Variants in APIP observed in about 807,000 individuals in gnomAD.
APIP encodes the protein methylthioribulose-1-phosphate dehydratase.
In APIP, 32 loss-of-function variants were observed where a neutral mutation model predicts 32.0. The ratio of observed to expected loss-of-function variants is 1.00; its 90% confidence interval spans 0.76 to 1.34. The LOEUF (loss-of-function observed/expected upper bound fraction) is 1.34, where lower values mean the gene tolerates loss of function less well. Among genes scored for constraint, APIP ranks in the 40% most tolerant of loss-of-function variants. The pLI, the probability that APIP is intolerant of heterozygous loss-of-function variation, is 0.00. For synonymous variants in APIP, 92 were observed against 94.8 expected, an observed-to-expected ratio of 0.97 and a Z score of 0.17; for missense variants, 247 against 298.6, an observed-to-expected ratio of 0.83 and a Z score of 1.27.
intron 2 of APIP, among the ~76,000 whole-genome samples, chr11:34,891,440 T>C (rs1052281477): frequency 1.3e-5 from 2 of 152,146 alleles, no homozygotes; most frequent in African/African-American, 2.4e-5. Flanking sequence ...ACTGCATATA[T>C]GCAAACCAAG....
chr11:34,888,280 GA>G lies in APIP; in HGVS notation c.461+12del, dbSNP rs35393135. The G allele has an allele frequency of 0.67, 1,032,633 of 1,543,916 alleles. 349,391 individuals are homozygous for G. Among genetic ancestry groups the G allele is most frequent in the East Asian group, 0.73 (31,850 of 43,864 alleles). ...TCTTTTCAAATTATTTAAGAAAAAGGAAAAAAAAATACCTATAATACCCTCC... is the reference window on the plus strand; with the variant it reads ...TCTTTTCAAATTATTTAAGAAAAAGGAAAAAAAATACCTATAATACCCTCC... On this transcript the variant is annotated intron_variant, in intron 5 of 6. Transcript: ENST00000395787.
At chr11:34,899,566 C>A (rs927492298) in intron 1 of APIP, among the ~76,000 whole-genome samples, 3 of 152,204 alleles carry the variant, frequency 2.0e-5, no homozygotes, top group Non-Finnish European at 4.4e-5. Context: ...ATCTAGCATA[C>A]CCCCTCCATT....
intron 5 of APIP, among the ~76,000 whole-genome samples, chr11:34,887,968 T>C (rs1428330037): frequency 2.6e-5 from 4 of 152,300 alleles, no homozygotes; most frequent in South Asian, 2.1e-4. Context: ...CAAAGTGAAG[T>C]TGAAGATATC....
intron 5 of APIP, among the ~76,000 whole-genome samples, chr11:34,885,202 CTATATATGTATAT>C (rs1290893063): frequency 6.8e-6 from 1 of 146,236 alleles, no homozygotes; most frequent in African/African-American, 2.5e-5. Context: ...ACCTATATAA[CTATATATGTATAT>C]TATATATGTA....
chr11:34,916,017 C>T, intron 1 of APIP: 1 of 627,786 alleles, frequency 1.6e-6, no homozygotes. Context: ...GCCATCGGAG[C>T]GCCCCGCCCG....
At chr11:34,904,220 A>G (rs1853407836) in intron 1 of APIP, among the ~76,000 whole-genome samples, 1 of 152,212 alleles carries the variant, frequency 6.6e-6, no homozygotes, top group African/African-American at 2.4e-5. Flanking sequence ...ATGTTAGTTA[A>G]TGAAATAACT....
At chr11:34,911,200 A>AGG (rs1314277101) in intron 1 of APIP, among the ~76,000 whole-genome samples, 3 of 151,968 alleles carry the variant, frequency 2.0e-5, no homozygotes, top group African/African-American at 4.8e-5. Flanking sequence ...TGTTAGAGTG[A>AGG]GGGGGCGGTA....
At chr11:34,910,283 G>C (rs974664947) in intron 1 of APIP, among the ~76,000 whole-genome samples, 8 of 152,206 alleles carry the variant, frequency 5.3e-5, no homozygotes, top group African/African-American at 1.7e-4. Flanking sequence ...AGTAACAACT[G>C]TTTCAATAGA....
At chr11:34,912,263 T>C (rs897328934) in intron 1 of APIP, among the ~76,000 whole-genome samples, 1 of 152,230 alleles carries the variant, frequency 6.6e-6, no homozygotes, top group African/African-American at 2.4e-5. Context: ...ATAAAAATTA[T>C]TGAATGGGCT....
intron 1 of APIP, among the ~76,000 whole-genome samples, chr11:34,915,428 G>A (rs962752630): frequency 1.5e-4 from 23 of 152,222 alleles, no homozygotes; most frequent in Admixed American, 2.6e-4. Context: ...TCAACCCTAA[G>A]AAAGATATAG....
intron 1 of APIP, among the ~76,000 whole-genome samples, chr11:34,903,739 A>G (rs891598708): frequency 5.9e-5 from 9 of 152,226 alleles, no homozygotes; most frequent in African/African-American, 1.9e-4. Flanking sequence ...GGAAGGCTCC[A>G]TAAGAGAAAT....
intron 1 of APIP, among the ~76,000 whole-genome samples, chr11:34,902,707 G>A (rs1853387357): frequency 6.6e-6 from 1 of 152,202 alleles, no homozygotes; most frequent in Non-Finnish European, 1.5e-5. Flanking sequence ...GGAACCTGAA[G>A]CTCAAAAGGC....
intron 1 of APIP, among the ~76,000 whole-genome samples, chr11:34,910,313 C>T (rs920351957): frequency 6.6e-6 from 1 of 152,162 alleles, no homozygotes; most frequent in East Asian, 1.9e-4. Context: ...GAAGCAAGAT[C>T]GCAGTGAGCT....
intron 2 of APIP, among the ~76,000 whole-genome samples, chr11:34,891,664 A>T (rs1853188940): frequency 6.6e-6 from 1 of 152,196 alleles, no homozygotes; most frequent in South Asian, 2.1e-4. Flanking sequence ...TAAAGTCTAG[A>T]AAACAAATGT....
chr11:34,895,759 GATAA>G (rs1031488285), intron 1 of APIP, among the ~76,000 whole-genome samples: 2 of 151,888 alleles, frequency 1.3e-5, no homozygotes, highest in Non-Finnish European at 2.9e-5. Flanking sequence ...TATACAGACA[GATAA>G]ATATCAAGTG....
At chr11:34,905,530 A>G (rs527341890) in intron 1 of APIP, among the ~76,000 whole-genome samples, 1 of 152,328 alleles carries the variant, frequency 6.6e-6, no homozygotes, top group African/African-American at 2.4e-5. Context: ...GGCTGGGACA[A>G]GACTGAGTAA....
chr11:34,899,346 T>C (rs895286133), intron 1 of APIP, among the ~76,000 whole-genome samples: 1 of 152,234 alleles, frequency 6.6e-6, no homozygotes. Context: ...AGGAGTTAAA[T>C]GTCTTCTGTG....
intron 1 of APIP, among the ~76,000 whole-genome samples, chr11:34,914,982 C>A (rs1485823199): frequency 7.0e-5 from 7 of 100,480 alleles, no homozygotes; most frequent in African/African-American, 2.3e-4. Flanking sequence ...CCAGCCTGGG[C>A]AACAAGAGCA....
At chr11:34,891,251 C>T (rs1393806125) in intron 2 of APIP, among the ~76,000 whole-genome samples, 1 of 152,136 alleles carries the variant, frequency 6.6e-6, no homozygotes, top group East Asian at 1.9e-4. Flanking sequence ...CTACCATTTA[C>T]CACAAGGTGC....
Sources: allele counts gnomAD v4.1 joint callset (sites outside exome capture counted in the v4.1 genomes callset), GRCh38; gene constraint gnomAD v4.1.1; transcripts MANE v1.5; gene names NCBI Gene and HGNC (gene_info 2026-07-23, HGNC 2026-07-21).